The following USP8 variants were observed in gnomAD, a reference collection of about 807,000 sequenced individuals.
USP8 encodes the protein ubiquitin specific peptidase 8, also known as ubiquitin carboxyl-terminal hydrolase 8.
USP8 carries 27 observed loss-of-function variants against 130.0 expected under a neutral mutation model. The observed-to-expected ratio is 0.21, with a 90% CI of 0.15 to 0.29. USP8 has a LOEUF of 0.29. Ranked by LOEUF, USP8 falls within the 10% of genes least tolerant of loss-of-function variation. The pLI is 1.00. For synonymous variants in USP8, 392 were observed against 444.1 expected (o/e 0.88, Z 1.48); for missense variants, 1,029 against 1,312.2 (o/e 0.78, Z 3.33).
Position 50,439,183 on chromosome 15 carries a change from A to T in USP8, c.104+6A>T, listed in dbSNP as rs1209626487. On this transcript the variant is annotated splice_donor_region_variant and intron_variant, in intron 2 of 19. Coordinates refer to ENST00000307179, the MANE Select transcript of USP8 (RefSeq NM_005154.5). The stretch of plus-strand genomic sequence containing the variant: ...GAGAAAATAAGCACTAAGAGGTATG[A>T]TGTATCCTTCGCTAGTTTGATTGAA... 8 of 1,452,220 alleles carry T rather than the reference A, an allele frequency of 5.5e-6. No individual in the cohort carries two copies. In the African/African-American group the frequency reaches 8.8e-5, roughly 16 times the overall value. 90.0% of individuals were successfully genotyped at this position (1,452,220 alleles called of 1,614,324 possible). A position where few individuals can be genotyped will look rare whatever the true frequency, so the allele number is the denominator to read the frequency against.
chr15:50,485,228 G>A (rs1468814534), intron 12 of USP8, among the ~76,000 whole-genome samples: 5 of 152,090 alleles, frequency 3.3e-5, no homozygotes, highest in African/African-American at 1.2e-4. Flanking sequence ...GGCAGATCAC[G>A]AGGTCAGGAG....
chr15:50,465,291 G>C (rs543958698), intron 7 of USP8, 100 bp downstream of exon 7: 4 of 1,092,600 alleles, frequency 3.7e-6, no homozygotes, highest in Admixed American at 3.3e-5. Flanking sequence ...ATGTGATAAA[G>C]TAGTCTTTTC....
intron 4 of USP8, among the ~76,000 whole-genome samples, chr15:50,458,029 C>G (rs2050852243): frequency 6.6e-6 from 1 of 152,048 alleles, no homozygotes; most frequent in South Asian, 2.1e-4. Context: ...TCTTCTCTCT[C>G]TCTGTCTTTA....
rs937196967 is a variant in USP8 at position 50,499,791 on chromosome 15, G to A, written c.*703G>A. 6.6e-6 allele frequency: 1 copy of A among 151,882 alleles called. No individual in the cohort carries two copies. Among genetic ancestry groups the A allele is most frequent in the African/African-American group, 2.4e-5 (1 of 41,358 alleles). The allele number at this position is 151,882 out of a possible 1,614,324, so 9.4% of individuals were successfully genotyped here. On this transcript the variant is annotated 3_prime_UTR_variant, in exon 20 of 20. Transcript: ENST00000307179. ...GAGAAAAATAATTTATAACCCTGTGGGTGTTCTGTCTTTAATATTGTATTA... is the reference window on the plus strand; with the variant it reads ...GAGAAAAATAATTTATAACCCTGTGAGTGTTCTGTCTTTAATATTGTATTA...
chr15:50,496,405 C>T lies in USP8; in HGVS notation c.2895+321C>T, dbSNP rs969140381. Among the ~76,000 whole-genome samples the T allele has an allele frequency of 1.0e-4, 15 of 150,712 alleles. No homozygotes were observed. In the South Asian group the frequency reaches 2.3e-3, roughly 23 times the overall value. On this transcript the variant is annotated intron_variant, in intron 17 of 19. Transcript: ENST00000307179. ...CTGAGGCAGGAGAATGGCGTGAACC[C>T]TGGAGGCGGAGTTTACAGTGAGCTG...
Position 50,506,957 on chromosome 15 carries a change from C to CAAAAAAAAAAAA in USP8, c.*7891_*7902dup, listed in dbSNP as rs58329541. 7 of 46,224 alleles carry CAAAAAAAAAAAA rather than the reference C, an allele frequency of 1.5e-4. 1 individual carries two copies. The highest frequency in any genetic ancestry group is 6.6e-4 in the African/African-American group (7 of 10,548). 2.9% of individuals were successfully genotyped at this position (46,224 alleles called of 1,614,324 possible). A position where few individuals can be genotyped will look rare whatever the true frequency, so the allele number is the denominator to read the frequency against. On this transcript the variant is annotated 3_prime_UTR_variant, in exon 20 of 20. Coordinates refer to ENST00000307179, the MANE Select transcript of USP8 (RefSeq NM_005154.5). Reference sequence around the variant, plus strand: ...TGGGCGACAGAGCGAGACTTCATCTCAAAAAAAAAAAAAAAAAAAAAAAAA... The same window carrying CAAAAAAAAAAAA: ...TGGGCGACAGAGCGAGACTTCATCTCAAAAAAAAAAAAAAAAAAAAAAAAAAAAAAAAAAAAA...
intron 16 of USP8, among the ~76,000 whole-genome samples, chr15:50,495,018 A>T (rs529561870): frequency 4.8e-4 from 58 of 121,566 alleles, no homozygotes; most frequent in African/African-American, 1.7e-3. Flanking sequence ...GACTCTTTCT[A>T]AAAAAAAAAA....
rs531112830 is a variant in USP8 at position 50,493,167 on chromosome 15, G to A, written c.2447+254G>A. ...CGAAAGAGGACAGACTCGTCCTGTCGAGCCCTAAACGGCACCTAATCCTGT... is the reference window on the plus strand; with the variant it reads ...CGAAAGAGGACAGACTCGTCCTGTCAAGCCCTAAACGGCACCTAATCCTGT... On this transcript the variant is annotated intron_variant, in intron 15 of 19. Coordinates refer to ENST00000307179, the MANE Select transcript of USP8 (RefSeq NM_005154.5). The A allele has an allele frequency of 2.5e-5, 14 of 567,156 alleles. 1 individual carries two copies. The highest frequency in any genetic ancestry group is 1.8e-4 in the South Asian group (12 of 65,766). The allele number at this position is 567,156 out of a possible 1,614,324, so 35.1% of individuals were successfully genotyped here.
At position 50,426,357 on chromosome 15, in the gene USP8, CTTG is replaced by C. The variant is rs1244931902; in HGVS notation, c.-66+1851_-66+1853del. ...AATTAAGGAAACATTTAAAAAATAC[CTTG>C]TTGTTGTCCCAGTTACCTATTGCTG... On this transcript the variant is annotated intron_variant, in intron 1 of 19. Transcript: ENST00000307179. 1.1e-4 allele frequency among the ~76,000 whole-genome samples: 17 copies of C among 152,196 alleles called. 1 individual carries two copies. The South Asian group carries it at 1.7e-3, about 15-fold the overall frequency.
At chr15:50,484,743 T>A (rs977116377) in intron 12 of USP8, among the ~76,000 whole-genome samples, 1 of 152,204 alleles carries the variant, frequency 6.6e-6, no homozygotes, top group Non-Finnish European at 1.5e-5. Context: ...GCAACCCAAA[T>A]GTCCATCAGC....
intron 1 of USP8, among the ~76,000 whole-genome samples, chr15:50,429,832 G>A (rs1383001202): frequency 1.3e-5 from 2 of 152,076 alleles, no homozygotes; most frequent in Non-Finnish European, 2.9e-5. Context: ...TATGTTTTTG[G>A]TGCATGTTAA....
At chr15:50,497,458 A>C (rs2052460711) in intron 18 of USP8, 2 of 366,110 alleles carry the variant, frequency 5.5e-6, no homozygotes, top group East Asian at 8.6e-5. Context: ...AATTCCTTAT[A>C]ATTTTAAATA....
At chr15:50,473,947 G>T (rs2051473706) in intron 8 of USP8, among the ~76,000 whole-genome samples, 1 of 151,842 alleles carries the variant, frequency 6.6e-6, no homozygotes, top group African/African-American at 2.4e-5. Context: ...CAATTCTCCT[G>T]CCTCGTCCTT....
At chr15:50,433,263 C>A (rs2049986057) in intron 1 of USP8, among the ~76,000 whole-genome samples, 2 of 151,994 alleles carry the variant, frequency 1.3e-5, no homozygotes, top group South Asian at 4.1e-4. Flanking sequence ...TTAATCAATA[C>A]TTAGTTGTTT....
chr15:50,443,597 C>T (rs1218995300), intron 3 of USP8, among the ~76,000 whole-genome samples: 1 of 152,046 alleles, frequency 6.6e-6, no homozygotes, highest in Non-Finnish European at 1.5e-5. Context: ...GGTTCTCCTG[C>T]CTCAGCCTCC....
At chr15:50,445,635 A>C (rs1009417043) in intron 3 of USP8, among the ~76,000 whole-genome samples, 15 of 145,086 alleles carry the variant, frequency 1.0e-4, no homozygotes, top group African/African-American at 3.0e-4. Flanking sequence ...GTGGATCACA[A>C]GGTCAGGAGT....
At chr15:50,447,245 TTTG>T (rs1313903079) in intron 3 of USP8, among the ~76,000 whole-genome samples, 1 of 152,172 alleles carries the variant, frequency 6.6e-6, no homozygotes, top group Non-Finnish European at 1.5e-5. Flanking sequence ...ACTGTTAGTT[TTTG>T]TTGTTGTTTT....
intron 5 of USP8, 28 bp from the exon 6 acceptor site, chr15:50,462,252 G>T: frequency 6.3e-7 from 1 of 1,582,352 alleles, no homozygotes; most frequent in South Asian, 1.2e-5. Flanking sequence ...TATGAAAGTT[G>T]AAACTTTTTT....
chr15:50,425,656 AG>A (rs2049688339), intron 1 of USP8, among the ~76,000 whole-genome samples: 10 of 152,114 alleles, frequency 6.6e-5, no homozygotes, highest in Admixed American at 6.6e-4. Context: ...ACCCTGTAGT[AG>A]TTTAAAAAAA....
Sources: gnomAD v4.1 joint callset for allele counts (sites outside exome capture counted in the v4.1 genomes callset) on GRCh38, gnomAD v4.1.1 for gene constraint, MANE v1.5 for transcripts, NCBI Gene and HGNC (gene_info 2026-07-23, HGNC 2026-07-21) for gene names.